SLC16A9: variants seen among roughly 807,000 people sequenced by gnomAD.
SLC16A9 encodes the protein monocarboxylate transporter 9.
Under a neutral mutation model 44.3 loss-of-function variants are expected in SLC16A9, and 26 were observed. The observed-to-expected ratio is 0.59, with a 90% CI of 0.43 to 0.81. The LOEUF (loss-of-function observed/expected upper bound fraction) is 0.81, where lower values mean the gene tolerates loss of function less well. Ranked by LOEUF, SLC16A9 falls within the 40% of genes least tolerant of loss-of-function variation. SLC16A9 has a pLI of 0.00. For synonymous variants in SLC16A9, 230 were observed against 225.1 expected (o/e 1.02, Z -0.19); for missense variants, 559 against 595.8 (o/e 0.94, Z 0.64).
At chr10:59,657,271 T>C (rs1839369794) in intron 4 of SLC16A9, among the ~76,000 whole-genome samples, 1 of 152,242 alleles carries the variant, frequency 6.6e-6, no homozygotes, top group South Asian at 2.1e-4. Flanking sequence ...AAACCAGCAG[T>C]AGGCCAGATT....
At chr10:59,677,462 C>T (rs1839885566) in intron 2 of SLC16A9, among the ~76,000 whole-genome samples, 2 of 152,150 alleles carry the variant, frequency 1.3e-5, no homozygotes, top group Admixed American at 1.3e-4. Context: ...CCAGTAGCCA[C>T]ATGTGCCCAC....
At chr10:59,670,763 C>T (rs776527488) in intron 3 of SLC16A9, among the ~76,000 whole-genome samples, 2 of 151,696 alleles carry the variant, frequency 1.3e-5, no homozygotes, top group African/African-American at 2.4e-5. Flanking sequence ...CAATTTGATA[C>T]TCTACTTCAA....
At chr10:59,653,600 A>T in intron 5 of SLC16A9, 75 bp downstream of exon 5, 2 of 1,274,068 alleles carry the variant, frequency 1.6e-6, no homozygotes, top group Non-Finnish European at 2.2e-6. Flanking sequence ...CTACTATTAC[A>T]ATCTGGACCT....
chr10:59,703,076 C>T (rs1840559601), intron 1 of SLC16A9, among the ~76,000 whole-genome samples: 1 of 152,210 alleles, frequency 6.6e-6, no homozygotes, highest in African/African-American at 2.4e-5. Context: ...CTAAATCACA[C>T]TAATCGTTCC....
At chr10:59,688,862 C>G (rs1041995166) in intron 1 of SLC16A9, among the ~76,000 whole-genome samples, 6 of 151,654 alleles carry the variant, frequency 4.0e-5, no homozygotes, top group African/African-American at 9.7e-5. Context: ...GCCAGTATTC[C>G]TGGGAGGTTG....
intron 1 of SLC16A9, among the ~76,000 whole-genome samples, chr10:59,706,079 C>G (rs1048552128): frequency 6.6e-6 from 1 of 152,182 alleles, no homozygotes; most frequent in East Asian, 1.9e-4. Flanking sequence ...TAAATTGCTA[C>G]ACCCACCCCA....
At chr10:59,688,240 A>G (rs1269426091) in intron 1 of SLC16A9, among the ~76,000 whole-genome samples, 1 of 152,184 alleles carries the variant, frequency 6.6e-6, no homozygotes. Context: ...ATCCATTCAC[A>G]CACAGCCTAA....
At chr10:59,707,263 GGGAGGGGAGA>G in intron 1 of SLC16A9, among the ~76,000 whole-genome samples, 1 of 136,460 alleles carries the variant, frequency 7.3e-6, no homozygotes, top group African/African-American at 2.8e-5. Context: ...GGCAGAGGAG[GGGAGGGGAGA>G]GGAGGGAAGG....
At chr10:59,708,897 C>G (rs991926691) in intron 1 of SLC16A9, 2 of 152,564 alleles carry the variant, frequency 1.3e-5, no homozygotes, top group Non-Finnish European at 2.9e-5. Flanking sequence ...GCTGGGCTCC[C>G]GCGCTCGCCC....
chr10:59,679,240 T>C (rs572004421), intron 2 of SLC16A9, among the ~76,000 whole-genome samples: 1 of 152,180 alleles, frequency 6.6e-6, no homozygotes, highest in South Asian at 2.1e-4. Context: ...AGCCAAAGGG[T>C]GTGTTAGCTC....
At chr10:59,670,472 G>A (rs898860016) in intron 3 of SLC16A9, among the ~76,000 whole-genome samples, 3 of 152,174 alleles carry the variant, frequency 2.0e-5, no homozygotes, top group African/African-American at 7.2e-5. Flanking sequence ...CATGTTTACA[G>A]TCACACAGCT....
chr10:59,686,252 G>T (rs966164120), intron 1 of SLC16A9, among the ~76,000 whole-genome samples: 14 of 151,786 alleles, frequency 9.2e-5, no homozygotes, highest in Admixed American at 9.2e-4. Context: ...TCTCTAATGG[G>T]GCTTTTTCTG....
intron 2 of SLC16A9, among the ~76,000 whole-genome samples, chr10:59,674,045 C>T (rs1049849539): frequency 2.0e-5 from 3 of 152,074 alleles, no homozygotes; most frequent in African/African-American, 4.8e-5. Flanking sequence ...ATCAGAAGAG[C>T]GCAAAGCCAA....
At chr10:59,684,035 G>C (rs1840077143) in intron 2 of SLC16A9, 61 bp downstream of exon 2, 3 of 1,385,736 alleles carry the variant, frequency 2.2e-6, no homozygotes. Flanking sequence ...CAATGTTCAT[G>C]ATGTAGTAAA....
chr10:59,670,553 CT>C (rs1034824278), intron 3 of SLC16A9, among the ~76,000 whole-genome samples: 13 of 152,326 alleles, frequency 8.5e-5, no homozygotes, highest in Admixed American at 7.8e-4. Context: ...AGTGTCTGAT[CT>C]TTCCCTTGGT....
chr10:59,676,588 G>A (rs1330648857), intron 2 of SLC16A9, among the ~76,000 whole-genome samples: 1 of 152,094 alleles, frequency 6.6e-6, no homozygotes, highest in Non-Finnish European at 1.5e-5. Flanking sequence ...GGAAAAAGGG[G>A]CAAGGGTTCC....
chr10:59,663,638 T>C (rs1158020664), intron 4 of SLC16A9, among the ~76,000 whole-genome samples: 2 of 151,956 alleles, frequency 1.3e-5, no homozygotes, highest in African/African-American at 4.8e-5. Flanking sequence ...GGGATAGCAT[T>C]AGGAGAAATA....
At chr10:59,696,129 TG>T in intron 1 of SLC16A9, among the ~76,000 whole-genome samples, 1 of 152,058 alleles carries the variant, frequency 6.6e-6, no homozygotes, top group South Asian at 2.1e-4. Flanking sequence ...CTCCCTCTCT[TG>T]CCACGGTCTC....
intron 1 of SLC16A9, among the ~76,000 whole-genome samples, chr10:59,703,348 G>A (rs1354718371): frequency 6.6e-6 from 1 of 152,178 alleles, no homozygotes; most frequent in African/African-American, 2.4e-5. Context: ...TCAAACTGCT[G>A]GGCTGAAGCA....
Sources: allele counts gnomAD v4.1 joint callset (sites outside exome capture counted in the v4.1 genomes callset), GRCh38; gene constraint gnomAD v4.1.1; transcripts MANE v1.5; gene names NCBI Gene and HGNC (gene_info 2026-07-23, HGNC 2026-07-21).